Variants in DIO2 observed in about 807,000 individuals in gnomAD.
DIO2 encodes the protein iodothyronine deiodinase 2, also known as type II iodothyronine deiodinase.
In DIO2, 19 loss-of-function variants were observed where a neutral mutation model predicts 21.4. The observed-to-expected ratio is 0.89, with a 90% CI of 0.62 to 1.30. The LOEUF (loss-of-function observed/expected upper bound fraction) is 1.30. DIO2 is among the 50% of genes most tolerant of loss of function. The pLI is 0.00. For missense variants in DIO2, 302 were observed against 338.1 expected (o/e 0.89, Z 0.84); for synonymous variants, 122 against 132.9 (o/e 0.92, Z 0.57).
intron 2 of DIO2, chr14:80,216,861 T>C (rs1244989424): frequency 6.6e-6 from 1 of 152,152 alleles, no homozygotes; most frequent in South Asian, 2.1e-4. Context: ...CCGGATGATA[T>C]TAAGTTTTAA....
chr14:80,214,240 T>C (rs1328913561), upstream of DIO2, among the ~76,000 whole-genome samples: 1 of 152,194 alleles, frequency 6.6e-6, no homozygotes. Context: ...TCTACCTTGA[T>C]TGAATTAAAC....
At chr14:80,225,519 G>GT (rs1888558205) in intron 2 of DIO2, among the ~76,000 whole-genome samples, 1 of 152,096 alleles carries the variant, frequency 6.6e-6, no homozygotes. Context: ...ACGCACAAAC[G>GT]TTTTTAACAA....
rs1245650567 is a variant in DIO2 at position 80,201,989 on chromosome 14, C to G, written c.*700G>C. On this transcript the variant is annotated 3_prime_UTR_variant, in exon 2 of 2. Coordinates refer to ENST00000438257, the MANE Select transcript of DIO2 (RefSeq NM_013989.5). ...AATCTTTCTGCCTCCTCTTTCCTAG[C>G]TTGTCAATTTCATTTCTTTTTTACC... is the stretch of plus-strand genomic sequence containing the variant. 1 of 173,010 alleles carries G rather than the reference C, an allele frequency of 5.8e-6. No homozygotes were observed. The highest frequency in any genetic ancestry group is 1.2e-5 in the Non-Finnish European group (1 of 81,704). 10.7% of individuals were successfully genotyped at this position (173,010 alleles called of 1,614,324 possible). A position where few individuals can be genotyped will look rare whatever the true frequency, so the allele number is the denominator to read the frequency against.
intron 1 of DIO2, among the ~76,000 whole-genome samples, chr14:80,204,683 C>T (rs1480003262): frequency 6.6e-6 from 1 of 152,172 alleles, no homozygotes; most frequent in Non-Finnish European, 1.5e-5. Context: ...CCCTCATATA[C>T]ATACAGCCAC....
chr14:80,204,720 A>G (rs1887881719), intron 1 of DIO2, among the ~76,000 whole-genome samples: 1 of 152,236 alleles, frequency 6.6e-6, no homozygotes, highest in African/African-American at 2.4e-5. Context: ...AATTGAAGTC[A>G]CTTCGAAGTG....
intron 2 of DIO2, among the ~76,000 whole-genome samples, chr14:80,223,611 T>C (rs1888511443): frequency 6.6e-6 from 1 of 152,224 alleles, no homozygotes; most frequent in Admixed American, 6.5e-5. Context: ...TGTTACAATA[T>C]AAAAGTTTGA....
rs916076420 is a variant in DIO2 at position 80,225,910 on chromosome 14, G to C, written c.-277-9173C>G. On this transcript the variant is annotated intron_variant, in intron 2 of 4. Transcript: ENST00000553594. ...GGTAGGAGGAGCCCAAAGTGTCCAG[G>C]TGGCAATCTTAACTTCCAGTTTAAT... Among the ~76,000 whole-genome samples, 10 of 152,278 alleles carry C rather than the reference G, an allele frequency of 6.6e-5. No homozygotes were observed. In the East Asian group the frequency reaches 1.5e-3, roughly 24 times the overall value.
chr14:80,211,384 G>A lies in DIO2; in HGVS notation c.89C>T (p.Ser30Leu), dbSNP rs376291377. ...CACCACGTGCTTGAGCAGAATGACC[G>A]AGTCATAGAGAGCCAGGAAGAGGCA... ...SNCLFLALYD[S>L]VILLKHVVLL... Residue 30 changes from serine (S) to leucine (L), a missense_variant, in exon 1 of 2, where the codon TCG (serine) becomes TTG (leucine). By Grantham distance (145) the Ser-to-Leu change is moderately radical. Transcript: ENST00000438257. 3 of 1,613,698 alleles carry A rather than the reference G, an allele frequency of 1.9e-6. No individual in the cohort carries two copies. The highest frequency in any genetic ancestry group is 2.5e-6 in the Non-Finnish European group (3 of 1,179,828).
chr14:80,220,052 G>A (rs1426330439), intron 2 of DIO2, among the ~76,000 whole-genome samples: 2 of 151,946 alleles, frequency 1.3e-5, no homozygotes, highest in African/African-American at 4.8e-5. Context: ...GTGTGTGTGT[G>A]TGTGTGTGTG....
In DIO2 at chr14:80,202,793, A is replaced by G. The variant is rs780531480; in HGVS notation, c.718T>C (p.Tyr240His). ...VCIVQRQKIA[Y>H]LGGKGPFSYN... ...GAGAAGGGGCCCTTTCCTCCCAGAT[A>G]AGCAATTTTCTGTCTCTGCACAATG... is the stretch of plus-strand genomic sequence containing the variant. The change falls in exon 2 of 2, where the codon TAT becomes CAT. Residue 240 changes from tyrosine (Y) to histidine (H), a missense_variant. By Grantham distance (83) the Tyr-to-His change is moderately conservative (BLOSUM62 2). Transcript: ENST00000438257. 6.2e-7 allele frequency: 1 copy of G among 1,613,946 alleles called. No homozygotes were observed.
Position 80,203,043 on chromosome 14 carries a change from G to A in DIO2, c.468C>T (p.Phe156=), listed in dbSNP as rs140743723. 689 of 1,613,932 alleles carry A rather than the reference G, an allele frequency of 4.3e-4. No individual in the cohort carries two copies. In the African/African-American group the frequency reaches 7.9e-3, roughly 18 times the overall value. Reference sequence around the variant, plus strand: ...GAGCCTCATCAATGTAGACCAGCAGGAAGTCAGCCACTGAGGAGAACTCTT... The same window carrying A: ...GAGCCTCATCAATGTAGACCAGCAGAAAGTCAGCCACTGAGGAGAACTCTT... The part of the protein sequence containing the change: ...LVEEFSSVAD[F]LLVYIDEAHP... The change falls in exon 2 of 2, where the codon TTC becomes TTT. Residue 156 remains phenylalanine, a synonymous_variant. Transcript: ENST00000438257.
intron 2 of DIO2, among the ~76,000 whole-genome samples, chr14:80,221,580 T>C (rs557760999): frequency 6.6e-6 from 1 of 152,254 alleles, no homozygotes; most frequent in East Asian, 1.9e-4. Flanking sequence ...TTTACATCTA[T>C]CCCAAAATGC....
At chr14:80,222,311 C>A (rs563378889) in intron 2 of DIO2, among the ~76,000 whole-genome samples, 2 of 152,016 alleles carry the variant, frequency 1.3e-5, no homozygotes, top group Non-Finnish European at 2.9e-5. Context: ...TGATAGCCAA[C>A]GTTATGAGAC....
rs147288969 is a variant in DIO2 at position 80,225,871 on chromosome 14, C to T, written c.-277-9134G>A. Among the ~76,000 whole-genome samples, 40 of 152,260 alleles carry T rather than the reference C, an allele frequency of 2.6e-4. No homozygotes were observed. The East Asian group carries it at 7.2e-3, about 27-fold the overall frequency. On this transcript the variant is annotated intron_variant, in intron 2 of 4. Coordinates refer to the DIO2 transcript ENST00000553594. The stretch of plus-strand genomic sequence containing the variant: ...GCCAACACTGTAACTCCCTTCTTAG[C>T]CTGTTGACTTAAAGGTAGGAGGAGC...
chr14:80,212,158 G>A (rs1888235224), upstream of DIO2: 2 of 151,680 alleles, frequency 1.3e-5, no homozygotes, highest in African/African-American at 4.8e-5. Context: ...TCTGTCTGTG[G>A]TGCAAAGTGC....
rs1888182816 is a variant in DIO2, at chr14:80,211,347, G to A, written c.126C>T (p.Ser42=). Residue 42 remains serine (S), a synonymous_variant, in exon 1 of 2, where the codon AGC becomes AGT. Transcript: ENST00000438257. ...ILLKHVVLLL[S]RSKSTRGEWR... Reference sequence around the variant, plus strand: ...ACTCTCCGCGAGTGGACTTGGAGCGGCTCAACAGCAGCACCACGTGCTTGA... The same window carrying A: ...ACTCTCCGCGAGTGGACTTGGAGCGACTCAACAGCAGCACCACGTGCTTGA... 1 of 1,613,686 alleles carries A rather than the reference G, an allele frequency of 6.2e-7. No individual in the cohort carries two copies. Among genetic ancestry groups the A allele is most frequent in the Non-Finnish European group, 8.5e-7 (1 of 1,179,874 alleles).
At chr14:80,208,238 G>A (rs942491691) in intron 1 of DIO2, among the ~76,000 whole-genome samples, 4 of 152,056 alleles carry the variant, frequency 2.6e-5, no homozygotes, top group African/African-American at 4.8e-5. Flanking sequence ...TCACCTCAGG[G>A]TCTCTCACCA....
intron 2 of DIO2, among the ~76,000 whole-genome samples, chr14:80,226,789 T>C (rs2140023699): frequency 6.6e-6 from 1 of 152,340 alleles, no homozygotes; most frequent in East Asian, 1.9e-4. Flanking sequence ...GTCCACAGAA[T>C]GGGTCATCCT....
At chr14:80,223,086 G>A (rs1167193463) in intron 2 of DIO2, among the ~76,000 whole-genome samples, 2 of 151,992 alleles carry the variant, frequency 1.3e-5, no homozygotes, top group Admixed American at 1.3e-4. Context: ...GGGCTCAAGA[G>A]ATCTTCCCAC....
Sources: allele counts gnomAD v4.1 joint callset (sites outside exome capture counted in the v4.1 genomes callset), GRCh38; gene constraint gnomAD v4.1.1; transcripts MANE v1.5; gene names NCBI Gene and HGNC (gene_info 2026-07-23, HGNC 2026-07-21).